MALRD1: variants seen among roughly 807,000 people sequenced by gnomAD.
The protein encoded by MALRD1 is MAM and LDL receptor class A domain containing 1, also known as MAM and LDL-receptor class A domain-containing protein 1.
In MALRD1, 247 loss-of-function variants were observed where a neutral mutation model predicts 242.1. That is an observed-to-expected ratio of 1.02 (90% CI 0.92 to 1.13). MALRD1 has a LOEUF of 1.13. Among genes scored for constraint, MALRD1 ranks in the 50% most tolerant of loss-of-function variants. The pLI, the probability that MALRD1 is intolerant of heterozygous loss-of-function variation, is 0.00. For missense variants in MALRD1, 2,989 were observed against 2,533.1 expected, an observed-to-expected ratio of 1.18 and a Z score of -3.86; for synonymous variants, 995 against 866.6, an observed-to-expected ratio of 1.15 and a Z score of -2.60.
intron 32 of MALRD1, among the ~76,000 whole-genome samples, chr10:19,557,111 G>C (rs1306736494): frequency 6.6e-6 from 1 of 151,978 alleles, no homozygotes; most frequent in Non-Finnish European, 1.5e-5. Context: ...TTTCTATTTA[G>C]ATGTTTCATC....
intron 24 of MALRD1, among the ~76,000 whole-genome samples, chr10:19,335,191 T>G (rs1054280093): frequency 1.8e-4 from 18 of 99,370 alleles, no homozygotes; most frequent in African/African-American, 3.5e-4. Flanking sequence ...TGTTTTTTTT[T>G]GTTTTTTTTT....
At chr10:19,149,910 A>G (rs1833879637) in intron 11 of MALRD1, among the ~76,000 whole-genome samples, 1 of 152,170 alleles carries the variant, frequency 6.6e-6, no homozygotes, top group Non-Finnish European at 1.5e-5. Flanking sequence ...CTGTTCCAGA[A>G]TGTCTTGAAA....
Position 19,543,433 on chromosome 10 carries a change from CT to C in MALRD1, c.5478+12100del, listed in dbSNP as rs71388849. 6.0e-3 allele frequency among the ~76,000 whole-genome samples: 634 copies of C among 106,418 alleles called. 16 individuals are homozygous for C. The highest frequency in any genetic ancestry group is 0.019 in the African/African-American group (555 of 29,324). The allele number at this position is 106,418 out of a possible 152,430, so 69.8% of individuals were successfully genotyped here. ...TGTAAAAATCATGCCCAGCTGATTT[CT>C]TTTTTTTTTTTTTTTTTGAGAGAGA... On this transcript the variant is annotated intron_variant, in intron 32 of 39. Transcript: ENST00000454679.
intron 18 of MALRD1, among the ~76,000 whole-genome samples, chr10:19,250,002 A>G (rs1839231637): frequency 6.6e-6 from 1 of 152,046 alleles, no homozygotes; most frequent in Non-Finnish European, 1.5e-5. Flanking sequence ...GATTTTTTGT[A>G]GAAAGACTTG....
chr10:19,168,643 C>A (rs1184844705), intron 13 of MALRD1, among the ~76,000 whole-genome samples: 1 of 152,132 alleles, frequency 6.6e-6, no homozygotes, highest in Non-Finnish European at 1.5e-5. Flanking sequence ...TGGAGACTAT[C>A]CCTTATTATC....
In MALRD1 at chr10:19,465,109, G is replaced by A. The variant is rs574231662; in HGVS notation, c.5029+14619G>A. 3.3e-5 allele frequency among the ~76,000 whole-genome samples: 5 copies of A among 152,192 alleles called. No homozygotes were observed. The East Asian group carries it at 9.6e-4, about 29-fold the overall frequency. On this transcript the variant is annotated intron_variant, in intron 29 of 39. Coordinates refer to ENST00000454679, the MANE Select transcript of MALRD1 (RefSeq NM_001142308.3). ...ATTTATCAGTTTTAGGAGCTTTTTG[G>A]AGGAGTCTTTAGGGTTCTCTAGGTA...
chr10:19,466,695 T>G (rs1036788812), intron 29 of MALRD1, among the ~76,000 whole-genome samples: 2 of 152,176 alleles, frequency 1.3e-5, no homozygotes, highest in Admixed American at 1.3e-4. Context: ...ACCAGAAGTG[T>G]CTTGAATTTT....
chr10:19,192,333 A>G (rs1029318167), intron 14 of MALRD1, among the ~76,000 whole-genome samples: 1 of 152,224 alleles, frequency 6.6e-6, no homozygotes, highest in Non-Finnish European at 1.5e-5. Flanking sequence ...TTAGATAATA[A>G]TACATTTTAT....
At position 19,209,795 on chromosome 10, in the gene MALRD1, T is replaced by G. The variant is rs1016503133; in HGVS notation, c.2991+115T>G. ...AAGTGGAATTTGATCAAAGTTACAT[T>G]GAGACACATTTATCATTTATTTGAG... On this transcript the variant is annotated intron_variant, in intron 18 of 39. Coordinates refer to ENST00000454679, the MANE Select transcript of MALRD1 (RefSeq NM_001142308.3). 1.5e-5 allele frequency: 14 copies of G among 965,238 alleles called. No homozygotes were observed. In the Admixed American group the frequency reaches 3.7e-4, roughly 26 times the overall value. The allele number at this position is 965,238 out of a possible 1,614,324, so 59.8% of individuals were successfully genotyped here.
intron 28 of MALRD1, among the ~76,000 whole-genome samples, chr10:19,425,616 T>G (rs1833876187): frequency 6.6e-6 from 1 of 152,182 alleles, no homozygotes; most frequent in Non-Finnish European, 1.5e-5. Context: ...CAGAGCGAAG[T>G]GAGGGACAGT....
intron 31 of MALRD1, among the ~76,000 whole-genome samples, chr10:19,514,717 A>C (rs551054069): frequency 6.6e-6 from 1 of 152,160 alleles, no homozygotes; most frequent in African/African-American, 2.4e-5. Flanking sequence ...GAAATGAAAG[A>C]TCCCATACAG....
At chr10:19,378,298 C>T (rs192904537) in intron 26 of MALRD1, among the ~76,000 whole-genome samples, 4 of 152,242 alleles carry the variant, frequency 2.6e-5, no homozygotes, top group African/African-American at 7.2e-5. Context: ...ATCACATGCA[C>T]TTGTGATGAT....
chr10:19,204,401 T>C lies in MALRD1; in HGVS notation c.2198T>C (p.Ile733Thr). The stretch of plus-strand genomic sequence containing the variant: ...TTCAGCCAGACAGGACCTGGATGCA[T>C]ACTTTCCTTCTGGTAAATATTAAAC... ...PTFSQTGPGC[I>T]LSFWFYNYGL... is the part of the protein sequence containing the mutation. The change falls in exon 16 of 40, where the codon ATA becomes ACA. Residue 733 changes from isoleucine (I) to threonine (T), a missense_variant. Ile to Thr is a moderately conservative substitution (Grantham distance 89, BLOSUM62 -1). Transcript: ENST00000454679. 6.5e-7 allele frequency: 1 copy of C among 1,542,046 alleles called. No individual in the cohort carries two copies. Among genetic ancestry groups the C allele is most frequent in the South Asian group, 1.2e-5 (1 of 82,694 alleles).
At position 19,207,511 on chromosome 10, in the gene MALRD1, GA is replaced by G. The variant is rs760747897; in HGVS notation, c.2579-1756del. Among the ~76,000 whole-genome samples, 325 of 106,468 alleles carry G rather than the reference GA, an allele frequency of 3.1e-3. 3 individuals are homozygous for G. The highest frequency in any genetic ancestry group is 3.5e-3 in the South Asian group (10 of 2,892). The allele number at this position is 106,468 out of a possible 152,430, so 69.8% of individuals were successfully genotyped here. ...GATAAAGATTTTTGTTTGTTTGTTT[GA>G]TTTTTTTAGAAAGAGTCTCCCTCTG... is the stretch of plus-strand genomic sequence containing the variant. On this transcript the variant is annotated intron_variant, in intron 17 of 39. Transcript: ENST00000454679.
intron 21 of MALRD1, among the ~76,000 whole-genome samples, chr10:19,294,788 C>CT (rs1472372862): frequency 6.6e-6 from 1 of 151,876 alleles, no homozygotes; most frequent in African/African-American, 2.4e-5. Context: ...TACAAAATTT[C>CT]TTTTTTTCAC....
chr10:19,343,047 C>A (rs551507864), intron 24 of MALRD1, among the ~76,000 whole-genome samples: 1 of 151,986 alleles, frequency 6.6e-6, no homozygotes, highest in Non-Finnish European at 1.5e-5. Flanking sequence ...ATTATTTACC[C>A]TCAAAACTGC....
Position 19,309,112 on chromosome 10 carries a change from GT to G in MALRD1, c.3420-14835del, listed in dbSNP as rs567319393. Among the ~76,000 whole-genome samples, 10 of 151,594 alleles carry G rather than the reference GT, an allele frequency of 6.6e-5. No individual in the cohort carries two copies. In the East Asian group the frequency reaches 1.4e-3, roughly 21 times the overall value. On this transcript the variant is annotated intron_variant, in intron 21 of 39. Transcript: ENST00000454679. Reference sequence around the variant, plus strand: ...CTAAATTTAACATTGTTCTGTCATTGTTAAATGAACCAGAGTTTCTTTTGTT... The same window carrying G: ...CTAAATTTAACATTGTTCTGTCATTGTAAATGAACCAGAGTTTCTTTTGTT...
intron 26 of MALRD1, among the ~76,000 whole-genome samples, chr10:19,372,765 G>C (rs1392548273): frequency 7.9e-5 from 12 of 152,064 alleles, no homozygotes; most frequent in African/African-American, 2.9e-4. Context: ...ACAGTGCCCA[G>C]CCAGTATTCA....
chr10:19,720,676 G>C (rs918860851), intron 38 of MALRD1, among the ~76,000 whole-genome samples: 1 of 151,764 alleles, frequency 6.6e-6, no homozygotes. Flanking sequence ...TTCCTACTTC[G>C]TATTTGTTTT....
Sources: allele counts gnomAD v4.1 joint callset (sites outside exome capture counted in the v4.1 genomes callset), GRCh38; gene constraint gnomAD v4.1.1; transcripts MANE v1.5; gene names NCBI Gene and HGNC (gene_info 2026-07-23, HGNC 2026-07-21).